The following FZD6 variants were observed in gnomAD, a reference collection of about 807,000 sequenced individuals.
The protein encoded by FZD6 is frizzled class receptor 6, also known as frizzled-6.
FZD6 carries 49 observed loss-of-function variants against 61.4 expected under a neutral mutation model. That is an observed-to-expected ratio of 0.80 (90% CI 0.63 to 1.01). FZD6 has a LOEUF of 1.01. Ranked by LOEUF, FZD6 falls within the 50% of genes least tolerant of loss-of-function variation. FZD6 has a pLI of 0.00. For synonymous variants in FZD6, 265 were observed against 292.2 expected (o/e 0.91, Z 0.95); for missense variants, 724 against 848.2 (o/e 0.85, Z 1.82).
In FZD6 at chr8:103,318,675, A is replaced by C. The variant is rs943636809; in HGVS notation, c.263A>C (p.Gln88Pro). The change falls in exon 3 of 7, where the codon CAA becomes CCA. Residue 88 changes from glutamine to proline, a missense_variant. Transcript: ENST00000358755. ...CKAFVPTCIE[Q>P]IHVVPPCRKL... ...GCATTTGTACCAACCTGCATAGAAC[A>C]AATTCATGTGGTTCCACCTTGTCGT... is the stretch of plus-strand genomic sequence containing the variant. 1.1e-5 allele frequency: 18 copies of C among 1,607,332 alleles called. No individual in the cohort carries two copies. In the Admixed American group the frequency reaches 2.3e-4, roughly 21 times the overall value.
Position 103,328,323 on chromosome 8 carries a change from C to T in FZD6, c.1448C>T (p.Thr483Ile). Reference protein sequence around the residue: ...LALFMIKYLMTLIVGISAVFW... With the variant: ...LALFMIKYLMILIVGISAVFW... The stretch of plus-strand genomic sequence containing the variant: ...TTATTTATGATAAAATACCTGATGA[C>T]ATTAATTGTTGGCATCTCTGCTGTC... The change falls in exon 5 of 7, where the codon ACA (threonine) becomes ATA (isoleucine). Residue 483 changes from threonine to isoleucine, a missense_variant. Thr to Ile is a moderately conservative substitution (Grantham distance 89). Transcript: ENST00000358755. 6.2e-7 allele frequency: 1 copy of T among 1,610,044 alleles called. No individual in the cohort carries two copies. The highest frequency in any genetic ancestry group is 8.5e-7 in the Non-Finnish European group (1 of 1,176,446).
At chr8:103,318,926 C>T (rs1814706043) in intron 3 of FZD6, 140 bp downstream of exon 3, 1 of 691,814 alleles carries the variant, frequency 1.4e-6, no homozygotes, top group Non-Finnish European at 2.6e-6. Context: ...CACTATGGTG[C>T]TAAGTGCTGT....
intron 2 of FZD6, chr8:103,307,820 G>A (rs1198465901): frequency 6.6e-6 from 3 of 455,900 alleles, no homozygotes; most frequent in Non-Finnish European, 1.3e-5. Flanking sequence ...GAATCGCCAG[G>A]TGGGCTAGAA....
chr8:103,300,200 A>G lies in FZD6; in HGVS notation c.93A>G (p.Arg31=), dbSNP rs568034251. ...CCTGTGAACCAATTACTGTTCCCAG[A>G]TGTATGAAAATGGCCTACAACATGA... ...LFTCEPITVP[R]CMKMAYNMTF... The change falls in exon 2 of 7, where the codon AGA becomes AGG. Residue 31 remains arginine (R), a synonymous_variant. Coordinates refer to ENST00000358755, the MANE Select transcript of FZD6 (RefSeq NM_003506.4). The G allele has an allele frequency of 1.6e-5, 25 of 1,604,056 alleles. No individual in the cohort carries two copies. The highest frequency in any genetic ancestry group is 2.0e-5 in the Non-Finnish European group (24 of 1,170,800).
At chr8:103,315,523 T>A (rs985626472) in intron 2 of FZD6, among the ~76,000 whole-genome samples, 9 of 152,146 alleles carry the variant, frequency 5.9e-5, no homozygotes, top group African/African-American at 2.2e-4. Flanking sequence ...AAACACACTA[T>A]ATGATTCCAC....
chr8:103,303,152 G>C (rs778083680), intron 2 of FZD6, among the ~76,000 whole-genome samples: 1 of 152,104 alleles, frequency 6.6e-6, no homozygotes, highest in Non-Finnish European at 1.5e-5. Flanking sequence ...CCTTCATGTG[G>C]GACCCTGGCT....
intron 2 of FZD6, among the ~76,000 whole-genome samples, chr8:103,306,843 C>T (rs939884818): frequency 1.3e-5 from 2 of 152,026 alleles, no homozygotes; most frequent in African/African-American, 4.8e-5. Context: ...TTTAAATTTC[C>T]TTCACTCAGT....
chr8:103,306,824 T>A lies in FZD6; in HGVS notation c.177+6540T>A, dbSNP rs989838606. ...CTGGCCCCAGGTTCATCACTTTTTT[T>A]AATGACATTTTAAATTTCCTTCACT... On this transcript the variant is annotated intron_variant, in intron 2 of 6. Coordinates refer to ENST00000358755, the MANE Select transcript of FZD6 (RefSeq NM_003506.4). 4.6e-5 allele frequency among the ~76,000 whole-genome samples: 7 copies of A among 152,144 alleles called. No homozygotes were observed. The South Asian group carries it at 1.2e-3, about 27-fold the overall frequency.
rs963465921 is a variant in FZD6, at chr8:103,300,289, G to A, written c.177+5G>A. The A allele has an allele frequency of 3.2e-6, 5 of 1,582,220 alleles. No homozygotes were observed. Among genetic ancestry groups the A allele is most frequent in the South Asian group, 2.2e-5 (2 of 90,474 alleles). ...ATTGCCGCGGTGGAAATGGAGGTGA[G>A]TAGTGCTTCATACGTTTATTGAATA... On this transcript the variant is annotated splice_donor_5th_base_variant and intron_variant, in intron 2 of 6. Transcript: ENST00000358755.
intron 3 of FZD6, 56 bp from the exon 4 acceptor site, chr8:103,324,425 A>G: frequency 1.1e-6 from 1 of 932,684 alleles, no homozygotes; most frequent in South Asian, 1.6e-5. Flanking sequence ...ATTGCTTAAT[A>G]TATTGAATCA....
At chr8:103,319,783 A>C (rs768168685) in intron 3 of FZD6, among the ~76,000 whole-genome samples, 3 of 152,224 alleles carry the variant, frequency 2.0e-5, no homozygotes, top group Non-Finnish European at 2.9e-5. Context: ...GTCAAAAAGA[A>C]CATTACCTTA....
intron 2 of FZD6, among the ~76,000 whole-genome samples, chr8:103,317,176 G>A (rs1354033083): frequency 1.3e-5 from 2 of 152,178 alleles, no homozygotes; most frequent in Non-Finnish European, 2.9e-5. Flanking sequence ...AGAGGTGAGG[G>A]GAACAGCAAG....
At chr8:103,327,519 G>A (rs991259682) in intron 4 of FZD6, among the ~76,000 whole-genome samples, 1 of 152,048 alleles carries the variant, frequency 6.6e-6, no homozygotes, top group Non-Finnish European at 1.5e-5. Context: ...TTGCTTGAAC[G>A]CGGGAGGCGG....
chr8:103,318,792 C>G lies in FZD6; in HGVS notation c.374+6C>G, dbSNP rs1358789061. 1 of 1,536,090 alleles carries G rather than the reference C, an allele frequency of 6.5e-7. No individual in the cohort carries two copies. Among genetic ancestry groups the G allele is most frequent in the African/African-American group, 1.4e-5 (1 of 73,468 alleles). ...GAGGAGCTTGAATGTGACAGGTAAA[C>G]AATGTTTTTCATGGAAAGCTACTAA... On this transcript the variant is annotated splice_donor_region_variant and intron_variant, in intron 3 of 6. Coordinates refer to ENST00000358755, the MANE Select transcript of FZD6 (RefSeq NM_003506.4).
chr8:103,332,521 T>G lies in FZD6; in HGVS notation c.*1012T>G, dbSNP rs1423701306. 6.6e-6 allele frequency: 1 copy of G among 152,272 alleles called. No individual in the cohort carries two copies. Among genetic ancestry groups the G allele is most frequent in the Non-Finnish European group, 1.5e-5 (1 of 68,016 alleles). 9.4% of individuals were successfully genotyped at this position (152,272 alleles called of 1,614,324 possible). A position where few individuals can be genotyped will look rare whatever the true frequency, so the allele number is the denominator to read the frequency against. Reference sequence around the variant, plus strand: ...GGATTTTGCTGAACATTAAAAAGTGTGATAGCGATATTAGTGCCAATCAAA... The same window carrying G: ...GGATTTTGCTGAACATTAAAAAGTGGGATAGCGATATTAGTGCCAATCAAA... On this transcript the variant is annotated 3_prime_UTR_variant, in exon 7 of 7. Transcript: ENST00000358755.
intron 2 of FZD6, among the ~76,000 whole-genome samples, chr8:103,314,555 C>T (rs971708490): frequency 6.6e-6 from 1 of 152,122 alleles, no homozygotes; most frequent in Non-Finnish European, 1.5e-5. Context: ...AATCTCAGAG[C>T]ATCATTCAAA....
intron 2 of FZD6, among the ~76,000 whole-genome samples, chr8:103,312,150 G>A (rs1254915255): frequency 1.3e-5 from 2 of 152,138 alleles, no homozygotes; most frequent in African/African-American, 2.4e-5. Flanking sequence ...ATCTCTGCCA[G>A]TACTAATAGT....
chr8:103,317,502 T>A (rs1157636043), intron 2 of FZD6, among the ~76,000 whole-genome samples: 2 of 152,114 alleles, frequency 1.3e-5, no homozygotes, highest in African/African-American at 4.8e-5. Flanking sequence ...AATAGTGGCT[T>A]AGACTGGGTG....
At chr8:103,299,336 C>G (rs1191654021) in intron 1 of FZD6, among the ~76,000 whole-genome samples, 5 of 152,244 alleles carry the variant, frequency 3.3e-5, no homozygotes, top group African/African-American at 1.2e-4. Flanking sequence ...CTTCCTCCCG[C>G]AAGGGGACTG....
Sources: allele counts gnomAD v4.1 joint callset (sites outside exome capture counted in the v4.1 genomes callset), GRCh38; gene constraint gnomAD v4.1.1; transcripts MANE v1.5; gene names NCBI Gene and HGNC (gene_info 2026-07-23, HGNC 2026-07-21).